DCAF7: variants seen among roughly 807,000 people sequenced by gnomAD.
DCAF7 encodes the protein DDB1- and CUL4-associated factor 7.
A neutral mutation model predicts 41.2 loss-of-function variants in DCAF7; 4 were observed. The ratio of observed to expected loss-of-function variants is 0.10; its 90% CI spans 0.05 to 0.22. The LOEUF (loss-of-function observed/expected upper bound fraction) is 0.22. DCAF7 is among the 10% of genes least tolerant of loss of function. The probability of loss-of-function intolerance (pLI) is 1.00; values close to 1 mark genes in which losing one functional copy is unlikely to be tolerated. For synonymous variants in DCAF7, 143 were observed against 164.2 expected (o/e 0.87, Z 0.99); for missense variants, 131 against 443.2 (o/e 0.30, Z 6.32).
intron 1 of DCAF7, 53 bp from the exon 2 acceptor site, chr17:63,578,417 A>G (rs1400069621): frequency 1.4e-5 from 23 of 1,608,678 alleles, no homozygotes; most frequent in Non-Finnish European, 3.4e-6. Flanking sequence ...GATCTAATGT[A>G]TTTGCTGTAC....
intron 1 of DCAF7, among the ~76,000 whole-genome samples, chr17:63,553,504 G>A (rs2033280245): frequency 6.6e-6 from 1 of 152,204 alleles, no homozygotes; most frequent in African/African-American, 2.4e-5. Context: ...CTCAGGCTAA[G>A]TTTGTGAGAA....
At chr17:63,571,559 G>A (rs12452187) in intron 1 of DCAF7, among the ~76,000 whole-genome samples, 107,305 of 151,978 alleles carry the variant, frequency 0.71, 39,243 homozygotes, top group African/African-American at 0.92. Context: ...TTATAAAGAA[G>A]AAGTTTTAAT....
intron 4 of DCAF7, among the ~76,000 whole-genome samples, chr17:63,580,220 T>C (rs1361458968): frequency 6.6e-6 from 1 of 152,144 alleles, no homozygotes; most frequent in African/African-American, 2.4e-5. Context: ...AAGTCTCTTA[T>C]AGAGGAGCTG....
chr17:63,582,701 C>T (rs2033636622), intron 4 of DCAF7, among the ~76,000 whole-genome samples: 1 of 152,136 alleles, frequency 6.6e-6, no homozygotes, highest in Admixed American at 6.5e-5. Context: ...GATCTCTTGA[C>T]CTTGTGATCC....
intron 6 of DCAF7, among the ~76,000 whole-genome samples, chr17:63,586,914 C>T (rs529470631): frequency 3.5e-4 from 53 of 152,322 alleles, no homozygotes; most frequent in African/African-American, 1.2e-3. Flanking sequence ...CTGCCTCCAT[C>T]CCCCTCTGCA....
At position 63,589,369 on chromosome 17, in the gene DCAF7, G is replaced by A. The variant is rs1331726151; in HGVS notation, c.*197G>A. 12 of 720,768 alleles carry A rather than the reference G, an allele frequency of 1.7e-5. No individual in the cohort carries two copies. Among genetic ancestry groups the A allele is most frequent in the East Asian group, 2.8e-5 (1 of 35,690 alleles). 44.6% of individuals were successfully genotyped at this position (720,768 alleles called of 1,614,324 possible). ...TGTGGCAGACTCAGTGCTGTGTGGC[G>A]CCTCCTCAGCCCAGGGCTGAGTTTT... is the stretch of plus-strand genomic sequence containing the variant. On this transcript the variant is annotated 3_prime_UTR_variant, in exon 7 of 7. Transcript: ENST00000614556.
chr17:63,559,439 G>GTATA (rs10643199), intron 1 of DCAF7, among the ~76,000 whole-genome samples: 2,714 of 122,140 alleles, frequency 0.022, 48 homozygotes, highest in South Asian at 0.039. Context: ...ATATGTGTGT[G>GTATA]TATATATATA....
chr17:63,554,422 T>G (rs1237161957), intron 1 of DCAF7, among the ~76,000 whole-genome samples: 1 of 152,254 alleles, frequency 6.6e-6, no homozygotes, highest in Admixed American at 6.5e-5. Flanking sequence ...GATGGCACTC[T>G]CAGAACATGG....
At chr17:63,578,947 A>G (rs2033590967) in intron 2 of DCAF7, among the ~76,000 whole-genome samples, 1 of 152,198 alleles carries the variant, frequency 6.6e-6, no homozygotes, top group South Asian at 2.1e-4. Flanking sequence ...AGTAAACTAA[A>G]TGAAATACCA....
intron 1 of DCAF7, among the ~76,000 whole-genome samples, chr17:63,561,732 T>C (rs907146356): frequency 1.3e-5 from 2 of 151,774 alleles, no homozygotes; most frequent in Non-Finnish European, 2.9e-5. Context: ...AAGAAGAAAA[T>C]GTGTTATAAG....
At chr17:63,571,356 T>C (rs1475027590) in intron 1 of DCAF7, among the ~76,000 whole-genome samples, 3 of 152,112 alleles carry the variant, frequency 2.0e-5, no homozygotes, top group Non-Finnish European at 1.5e-5. Context: ...TGGGGTGGCA[T>C]TGAAAGAGGG....
Position 63,564,462 on chromosome 17 carries a change from A to G in DCAF7, c.138+13647A>G, listed in dbSNP as rs919265603. 7.0e-4 allele frequency among the ~76,000 whole-genome samples: 107 copies of G among 152,340 alleles called. 1 individual carries two copies. Among genetic ancestry groups the G allele is most frequent in the Middle Eastern group, 6.8e-3 (2 of 294 alleles). Reference sequence around the variant, plus strand: ...CAAAGGGGAAACCTAGCATCATTTTATTAATAACCGAACAAGAACCACTAA... The same window carrying G: ...CAAAGGGGAAACCTAGCATCATTTTGTTAATAACCGAACAAGAACCACTAA... On this transcript the variant is annotated intron_variant, in intron 1 of 6. Transcript: ENST00000614556.
intron 1 of DCAF7, among the ~76,000 whole-genome samples, chr17:63,560,591 G>T (rs1233330671): frequency 6.6e-6 from 1 of 152,134 alleles, no homozygotes; most frequent in East Asian, 1.9e-4. Context: ...GTGTGTAGAA[G>T]GGATACACAA....
chr17:63,560,322 CAT>C lies in DCAF7; in HGVS notation c.138+9508_138+9509del, dbSNP rs200584394. 7.5e-3 allele frequency among the ~76,000 whole-genome samples: 1,140 copies of C among 152,228 alleles called. 15 individuals are homozygous for C. The highest frequency in any genetic ancestry group is 0.026 in the African/African-American group (1,063 of 41,532). On this transcript the variant is annotated intron_variant, in intron 1 of 6. Coordinates refer to ENST00000614556, the MANE Select transcript of DCAF7 (RefSeq NM_005828.5). ...TGGTAATTCATCCTACAGCTATACT[CAT>C]GTGGTTGAAATGACTAAAGTGCAAG...
At chr17:63,558,439 C>T (rs938755106) in intron 1 of DCAF7, among the ~76,000 whole-genome samples, 3 of 152,172 alleles carry the variant, frequency 2.0e-5, no homozygotes, top group African/African-American at 7.2e-5. Context: ...CAAAACAATA[C>T]TCGAAAAATG....
chr17:63,589,262 G>T lies in DCAF7; in HGVS notation c.*90G>T. ...AGTAAGAAGAAACATGTTTCCAGTG[G>T]CCAGTATGTCTTTCATTGCTTTGCA... On this transcript the variant is annotated 3_prime_UTR_variant, in exon 7 of 7. Coordinates refer to ENST00000614556, the MANE Select transcript of DCAF7 (RefSeq NM_005828.5). 6.5e-7 allele frequency: 1 copy of T among 1,541,242 alleles called. No homozygotes were observed. The highest frequency in any genetic ancestry group is 8.9e-7 in the Non-Finnish European group (1 of 1,128,392).
chr17:63,559,334 C>CGTATATATATATATGTATATATAT (rs1568097635), intron 1 of DCAF7, among the ~76,000 whole-genome samples: 1 of 65,028 alleles, frequency 1.5e-5, no homozygotes, highest in African/African-American at 1.0e-4. Flanking sequence ...TATATATATA[C>CGTATATATATATATGTATATATAT]ATACATATAT....
At chr17:63,558,833 A>G (rs550515360) in intron 1 of DCAF7, among the ~76,000 whole-genome samples, 90 of 152,336 alleles carry the variant, frequency 5.9e-4, no homozygotes, top group African/African-American at 2.1e-3. Flanking sequence ...TTTTACAAAC[A>G]TGCACACATT....
In DCAF7 at chr17:63,583,577, C is replaced by CT. The variant is rs2033647156; in HGVS notation, c.604_605insT (p.Arg202LeufsTer4). On this transcript the variant is annotated frameshift_variant, in exon 5 of 7. Coordinates refer to ENST00000614556, the MANE Select transcript of DCAF7 (RefSeq NM_005828.5). LOFTEE classifies it high-confidence loss of function. ...CTCTGTGGGTGCTGATGGCTCGGTG[C>CT]GGATGTTTGACCTCCGCCATCTAGA... The CT allele has an allele frequency of 6.2e-7, 1 of 1,613,676 alleles. No individual in the cohort carries two copies. The highest frequency in any genetic ancestry group is 8.5e-7 in the Non-Finnish European group (1 of 1,179,820).
Sources: gnomAD v4.1 joint callset for allele counts (sites outside exome capture counted in the v4.1 genomes callset) on GRCh38, gnomAD v4.1.1 for gene constraint, MANE v1.5 for transcripts, NCBI Gene and HGNC (gene_info 2026-07-23, HGNC 2026-07-21) for gene names.